The following GABRB3 variants were observed in gnomAD, a reference collection of about 807,000 sequenced individuals.
GABRB3 encodes the protein gamma-aminobutyric acid receptor subunit beta-3.
Under a neutral mutation model 52.1 loss-of-function variants are expected in GABRB3, and 14 were observed. The ratio of observed to expected loss-of-function variants is 0.27; its 90% CI spans 0.18 to 0.42. The LOEUF (loss-of-function observed/expected upper bound fraction) is 0.42. GABRB3 is among the 10% of genes least tolerant of loss of function. The pLI, the probability that GABRB3 is intolerant of heterozygous loss-of-function variation, is 1.00. For synonymous variants in GABRB3, 260 were observed against 232.3 expected, an observed-to-expected ratio of 1.12 and a Z score of -1.08; for missense variants, 307 against 609.1, an observed-to-expected ratio of 0.50 and a Z score of 5.22.
intron 3 of GABRB3, among the ~76,000 whole-genome samples, chr15:26,671,153 A>G (rs1887887349): frequency 6.6e-6 from 1 of 152,258 alleles, no homozygotes; most frequent in East Asian, 1.9e-4. Context: ...AAGAAGAGAA[A>G]TAAGGCCTTT....
At chr15:26,723,664 T>C (rs1413216027) in intron 3 of GABRB3, among the ~76,000 whole-genome samples, 1 of 152,186 alleles carries the variant, frequency 6.6e-6, no homozygotes, top group Non-Finnish European at 1.5e-5. Context: ...ACTCTGTCCG[T>C]TGGAAACCTG....
chr15:26,688,639 T>A (rs111793310), intron 3 of GABRB3, among the ~76,000 whole-genome samples: 2,072 of 152,316 alleles, frequency 0.014, 51 homozygotes, highest in Admixed American at 0.057. Context: ...TATGTCCATC[T>A]GGAGTTCAAC....
chr15:26,583,662 T>C (rs1043889401), intron 4 of GABRB3, among the ~76,000 whole-genome samples: 2 of 151,588 alleles, frequency 1.3e-5, no homozygotes, highest in African/African-American at 4.8e-5. Context: ...TAATCATTTA[T>C]TTTTTGATTG....
At chr15:26,692,231 A>G (rs1888609925) in intron 3 of GABRB3, among the ~76,000 whole-genome samples, 1 of 152,160 alleles carries the variant, frequency 6.6e-6, no homozygotes, top group Non-Finnish European at 1.5e-5. Flanking sequence ...CTCAGAAACA[A>G]TCCCTTTTCT....
intron 3 of GABRB3, among the ~76,000 whole-genome samples, chr15:26,707,540 T>G (rs572314119): frequency 6.6e-6 from 1 of 152,130 alleles, no homozygotes; most frequent in African/African-American, 2.4e-5. Context: ...CCATAGGTCA[T>G]GGAAAAAGAG....
intron 3 of GABRB3, among the ~76,000 whole-genome samples, chr15:26,749,505 A>C (rs6576603): frequency 0.13 from 20,296 of 152,162 alleles, 1,986 homozygotes; most frequent in East Asian, 0.29. Context: ...TTTGTTGTGT[A>C]AAATGTTCTA....
At chr15:26,736,585 T>C (rs752421875) in intron 3 of GABRB3, among the ~76,000 whole-genome samples, 23 of 152,230 alleles carry the variant, frequency 1.5e-4, no homozygotes, top group Non-Finnish European at 3.1e-4. Flanking sequence ...CCCTCGGCAG[T>C]GAGCCGGGGC....
intron 4 of GABRB3, among the ~76,000 whole-genome samples, chr15:26,611,233 A>G (rs1182691157): frequency 6.6e-6 from 1 of 152,194 alleles, no homozygotes; most frequent in African/African-American, 2.4e-5. Flanking sequence ...AATAGAATAA[A>G]TCCTTGTAGG....
rs1023686048 is a variant in GABRB3 at position 26,580,184 on chromosome 15, G to A, written c.682+135C>T. The A allele has an allele frequency of 8.8e-6, 9 of 1,024,956 alleles. No individual in the cohort carries two copies. The East Asian group carries it at 1.7e-4, about 19-fold the overall frequency. 63.5% of individuals were successfully genotyped at this position (1,024,956 alleles called of 1,614,324 possible). Reference sequence around the variant, plus strand: ...CTTTAGATACAGAGAGGAGGGGTGTGTGTGATGTGTGAATGATAACAGCAC... The same window carrying A: ...CTTTAGATACAGAGAGGAGGGGTGTATGTGATGTGTGAATGATAACAGCAC... On this transcript the variant is annotated intron_variant, in intron 6 of 8. Coordinates refer to ENST00000311550, the MANE Select transcript of GABRB3 (RefSeq NM_000814.6).
intron 7 of GABRB3, among the ~76,000 whole-genome samples, chr15:26,562,026 TAGTCTA>T (rs1890008285): frequency 6.6e-6 from 1 of 152,224 alleles, no homozygotes; most frequent in African/African-American, 2.4e-5. Flanking sequence ...GAGCTCAATT[TAGTCTA>T]AAACCATGTG....
chr15:26,664,553 A>C (rs1329103205), intron 3 of GABRB3, among the ~76,000 whole-genome samples: 1 of 151,798 alleles, frequency 6.6e-6, no homozygotes, highest in Non-Finnish European at 1.5e-5. Context: ...CAATTTATTT[A>C]TTTATTTTTA....
chr15:26,753,716 A>G (rs1056747838), intron 3 of GABRB3, among the ~76,000 whole-genome samples: 5 of 152,358 alleles, frequency 3.3e-5, no homozygotes, highest in African/African-American at 1.2e-4. Context: ...GATGGAGAAG[A>G]AGCTATCATT....
At chr15:26,629,327 G>T (rs1392536591) in intron 3 of GABRB3, 2 of 611,944 alleles carry the variant, frequency 3.3e-6, no homozygotes, top group Non-Finnish European at 5.2e-6. Flanking sequence ...CAGCTCAGGA[G>T]CCTGGCGGGC....
In GABRB3 at chr15:26,545,853, G is replaced by C. The variant is rs1018549874; in HGVS notation, c.*1940C>G. ...CGATTAGGAGGAAAAAGATAGGAAT[G>C]AAAGAGGGAAAAGGGTCTAAAAGTA... On this transcript the variant is annotated 3_prime_UTR_variant, in exon 9 of 9. Transcript: ENST00000311550. 6.6e-6 allele frequency: 1 copy of C among 152,608 alleles called. No individual in the cohort carries two copies. The highest frequency in any genetic ancestry group is 1.5e-5 in the Non-Finnish European group (1 of 68,044). The allele number at this position is 152,608 out of a possible 1,614,324, so 9.5% of individuals were successfully genotyped here.
chr15:26,627,377 A>ATTTTTTTTTTTTTTTTATTTTTT (rs1892744543), intron 3 of GABRB3, among the ~76,000 whole-genome samples: 1 of 72,128 alleles, frequency 1.4e-5, no homozygotes, highest in African/African-American at 3.4e-5. Context: ...AAGTTTTATT[A>ATTTTTTTTTTTTTTTTATTTTTT]TTTAAGAAAT....
intron 3 of GABRB3, among the ~76,000 whole-genome samples, chr15:26,757,149 T>A (rs1890684992): frequency 6.6e-6 from 1 of 152,162 alleles, no homozygotes; most frequent in Non-Finnish European, 1.5e-5. Flanking sequence ...AAAATTCCTG[T>A]TTCTTATACC....
At chr15:26,657,406 C>CATGA (rs2140602838) in intron 3 of GABRB3, 1 of 152,334 alleles carries the variant, frequency 6.6e-6, no homozygotes, top group Non-Finnish European at 1.5e-5. Context: ...AACATTAACA[C>CATGA]ATGAATACTC....
At chr15:26,687,502 C>T (rs1047540774) in intron 3 of GABRB3, among the ~76,000 whole-genome samples, 5 of 152,204 alleles carry the variant, frequency 3.3e-5, no homozygotes, top group South Asian at 2.1e-4. Context: ...TCTCTTCCTC[C>T]GCCTGCCTAC....
intron 6 of GABRB3, among the ~76,000 whole-genome samples, chr15:26,578,482 T>C (rs1890672602): frequency 6.6e-6 from 1 of 152,234 alleles, no homozygotes; most frequent in Admixed American, 6.5e-5. Context: ...TAGGATGTGT[T>C]CTACCACATA....
Sources: gnomAD v4.1 joint callset for allele counts (sites outside exome capture counted in the v4.1 genomes callset) on GRCh38, gnomAD v4.1.1 for gene constraint, MANE v1.5 for transcripts, NCBI Gene and HGNC (gene_info 2026-07-23, HGNC 2026-07-21) for gene names.